TENM4: variants seen among roughly 807,000 people sequenced by gnomAD.
The protein encoded by TENM4 is teneurin-4.
A neutral mutation model predicts 243.3 loss-of-function variants in TENM4; 82 were observed. The observed-to-expected ratio is 0.34, with a 90% CI of 0.28 to 0.40. The LOEUF is 0.40. Ranked by LOEUF, TENM4 falls within the 10% of genes least tolerant of loss-of-function variation. TENM4 has a pLI of 1.00. For synonymous variants in TENM4, 1,412 were observed against 1,456.3 expected (o/e 0.97, Z 0.69); for missense variants, 3,138 against 3,673.3 (o/e 0.85, Z 3.77).
intron 9 of TENM4, among the ~76,000 whole-genome samples, chr11:78,868,617 G>A (rs1859047493): frequency 6.6e-6 from 1 of 152,170 alleles, no homozygotes; most frequent in African/African-American, 2.4e-5. Context: ...CTCCATAGAT[G>A]TTCAGACATT....
chr11:78,979,551 G>GTGCATGCACATATGTGTTC (rs1857744183), intron 6 of TENM4, among the ~76,000 whole-genome samples: 1 of 152,038 alleles, frequency 6.6e-6, no homozygotes, highest in African/African-American at 2.4e-5. Flanking sequence ...CATATGTGTT[G>GTGCATGCACATATGTGTTC]TACATGCACA....
chr11:78,739,007 G>C lies in TENM4; in HGVS notation c.2757-437C>G, dbSNP rs1855863049. Among the ~76,000 whole-genome samples, 3 of 151,880 alleles carry C rather than the reference G, an allele frequency of 2.0e-5. No homozygotes were observed. The South Asian group carries it at 6.2e-4, about 32-fold the overall frequency. ...GGCTTTTTTTTTTCATCCTGGTATA[G>C]GGTAAGCTCCACAAATGACAATGGC... On this transcript the variant is annotated intron_variant, in intron 19 of 33. Coordinates refer to ENST00000278550, the MANE Select transcript of TENM4 (RefSeq NM_001098816.3).
chr11:79,430,466 C>G (rs962337897), intron 1 of TENM4, among the ~76,000 whole-genome samples: 1 of 152,188 alleles, frequency 6.6e-6, no homozygotes, highest in East Asian at 1.9e-4. Context: ...GTTGAGTAAC[C>G]ACCTGATGCC....
intron 18 of TENM4, among the ~76,000 whole-genome samples, chr11:78,763,563 C>T (rs1242284582): frequency 6.6e-6 from 1 of 152,230 alleles, no homozygotes. Flanking sequence ...AAGGCCCTGC[C>T]ATACTCTCAC....
chr11:79,068,664 G>A (rs373348502), intron 5 of TENM4, among the ~76,000 whole-genome samples: 2 of 152,164 alleles, frequency 1.3e-5, no homozygotes, highest in East Asian at 1.9e-4. Context: ...AGCAAATCAG[G>A]GTGGGCTGCA....
chr11:79,226,405 C>G (rs972130200), intron 2 of TENM4, among the ~76,000 whole-genome samples: 10 of 152,296 alleles, frequency 6.6e-5, no homozygotes, highest in African/African-American at 2.4e-4. Flanking sequence ...CAAGCTGGAA[C>G]TGATTAACCA....
intron 3 of TENM4, among the ~76,000 whole-genome samples, chr11:79,149,481 C>A (rs956423654): frequency 2.0e-5 from 3 of 151,878 alleles, no homozygotes; most frequent in Non-Finnish European, 4.4e-5. Context: ...TTTATAATTT[C>A]TGTTATCATT....
intron 1 of TENM4, among the ~76,000 whole-genome samples, chr11:79,421,024 A>G (rs1280368820): frequency 6.6e-6 from 1 of 152,192 alleles, no homozygotes; most frequent in Non-Finnish European, 1.5e-5. Context: ...GGAGTGCACA[A>G]AGGTATCTGG....
intron 1 of TENM4, among the ~76,000 whole-genome samples, chr11:79,375,915 A>G (rs1857882215): frequency 6.6e-6 from 1 of 152,152 alleles, no homozygotes; most frequent in South Asian, 2.1e-4. Context: ...CCACAGTGGG[A>G]GGGGAGGAAA....
intron 15 of TENM4, among the ~76,000 whole-genome samples, chr11:78,788,041 G>A (rs922653793): frequency 2.6e-5 from 4 of 152,162 alleles, no homozygotes; most frequent in African/African-American, 9.7e-5. Context: ...CTCATGCCTC[G>A]TGGCCCCACA....
In TENM4 at chr11:78,669,450, G is replaced by A. The variant is rs1253592523; in HGVS notation, c.6895C>T (p.Arg2299Cys). The change falls in exon 32 of 34, where the codon CGC (arginine) becomes TGC (cysteine). Residue 2299 changes from arginine to cysteine, a missense_variant. Physicochemically the swap from Arg to Cys is radical, Grantham distance 180. Around this residue, in one of 2 missense-constraint regions of TENM4, gnomAD observed 2,467 missense variants for 3,059.1 expected, o/e 0.81. Transcript: ENST00000278550. The surrounding 1 kb of genome is among the most constrained non-coding windows in gnomAD (Gnocchi z 6.4). ...VRYRYDGLGR[R>C]VSSKSSHSHH... The stretch of plus-strand genomic sequence containing the variant: ...CTGTGGCTGCTCTTGCTGGACACGC[G>A]CCGCCCCAGGCCATCGTAGCGGTAC... 5.0e-6 allele frequency: 8 copies of A among 1,612,828 alleles called. No homozygotes were observed. Among genetic ancestry groups the A allele is most frequent in the South Asian group, 2.2e-5 (2 of 90,888 alleles).
At chr11:79,226,930 C>T (rs1378098731) in intron 2 of TENM4, among the ~76,000 whole-genome samples, 4 of 152,172 alleles carry the variant, frequency 2.6e-5, no homozygotes, top group East Asian at 3.9e-4. Context: ...TGAATGGACG[C>T]TTTGCCAGAC....
chr11:78,722,604 C>T (rs767160941), intron 24 of TENM4, 64 bp downstream of exon 24: 132 of 1,562,606 alleles, frequency 8.4e-5, no homozygotes, highest in African/African-American at 2.0e-4. Flanking sequence ...GGTAATGTGG[C>T]GGGGCCCAAA....
intron 1 of TENM4, among the ~76,000 whole-genome samples, chr11:79,348,952 G>A (rs1002972975): frequency 1.3e-5 from 2 of 152,080 alleles, no homozygotes; most frequent in East Asian, 1.9e-4. Flanking sequence ...CGTTTTTATC[G>A]AAGTGCCTAA....
Position 79,298,500 on chromosome 11 carries a change from T to C in TENM4, c.-320-957A>G, listed in dbSNP as rs1240094550. 5.2e-4 allele frequency among the ~76,000 whole-genome samples: 61 copies of C among 117,514 alleles called. No homozygotes were observed. In the Admixed American group the frequency reaches 6.9e-3, roughly 13 times the overall value. The allele number at this position is 117,514 out of a possible 152,430, so 77.1% of individuals were successfully genotyped here. On this transcript the variant is annotated intron_variant, in intron 1 of 33. Coordinates refer to ENST00000278550, the MANE Select transcript of TENM4 (RefSeq NM_001098816.3). ...ACTGCAGTCCGCAGTCCGGCCTGGG[T>C]GACAGAGCAAGACTCCGTCTCAAAA... is the stretch of plus-strand genomic sequence containing the variant.
intron 2 of TENM4, among the ~76,000 whole-genome samples, chr11:79,241,770 G>A (rs1855424250): frequency 1.3e-5 from 2 of 152,096 alleles, no homozygotes; most frequent in Admixed American, 1.3e-4. Flanking sequence ...GTAGGGTTAA[G>A]GAGTGAATGC....
At chr11:79,299,743 G>A (rs544800739) in intron 1 of TENM4, among the ~76,000 whole-genome samples, 1 of 152,324 alleles carries the variant, frequency 6.6e-6, no homozygotes, top group South Asian at 2.1e-4. Flanking sequence ...ACCCGGTCAG[G>A]GGAAGTGGAA....
chr11:78,712,779 A>G, intron 25 of TENM4, 65 bp from the exon 26 acceptor site: 1 of 1,444,438 alleles, frequency 6.9e-7, no homozygotes, highest in Non-Finnish European at 9.6e-7. Context: ...CTGGAGATGT[A>G]CAGATGAACC....
rs1856785103 is a variant in TENM4, at chr11:78,778,653, T to G, written c.2366-25A>C. ...GCTAGGGAGATAAAAGACAGGACATTTAAGGTAGGATCCAGTAAGTGCAAT... is the reference window on the plus strand; with the variant it reads ...GCTAGGGAGATAAAAGACAGGACATGTAAGGTAGGATCCAGTAAGTGCAAT... On this transcript the variant is annotated intron_variant, in intron 16 of 33. Coordinates refer to ENST00000278550, the MANE Select transcript of TENM4 (RefSeq NM_001098816.3). 5 of 1,609,764 alleles carry G rather than the reference T, an allele frequency of 3.1e-6. No homozygotes were observed. The African/African-American group carries it at 6.7e-5, about 22-fold the overall frequency.
Sources: gnomAD v4.1 joint callset for allele counts (sites outside exome capture counted in the v4.1 genomes callset) on GRCh38, gnomAD v4.1.1 for gene constraint, gnomAD v4.1.1 regional missense constraint, Gnocchi (gnomAD v3.1) non-coding constraint, MANE v1.5 for transcripts, NCBI Gene and HGNC (gene_info 2026-07-23, HGNC 2026-07-21) for gene names.